Variants in BCAN observed in about 807,000 individuals in gnomAD.
BCAN encodes brevican core protein.
BCAN carries 51 observed loss-of-function variants against 92.4 expected under a neutral mutation model. That is an observed-to-expected ratio of 0.55 (90% CI 0.44 to 0.70). The LOEUF (loss-of-function observed/expected upper bound fraction) is 0.70. Among genes scored for constraint, BCAN ranks in the 30% least tolerant of loss-of-function variants. The pLI, the probability that BCAN is intolerant of heterozygous loss-of-function variation, is 0.00. For missense variants in BCAN, 1,140 were observed against 1,212.1 expected (o/e 0.94, Z 0.88); for synonymous variants, 501 against 505.2 (o/e 0.99, Z 0.11).
rs1198262769 is a variant in BCAN at position 156,653,372 on chromosome 1, C to T, written c.1942+480C>T. On this transcript the variant is annotated intron_variant, in intron 8 of 13. Transcript: ENST00000329117. ...TCCGGAGTCCAGGAGAACCCGTACC[C>T]CCACAGAGCCTTAAGCAACTACTTC... 4 of 1,023,004 alleles carry T rather than the reference C, an allele frequency of 3.9e-6. No homozygotes were observed. In the African/African-American group the frequency reaches 5.1e-5, roughly 13 times the overall value. The allele number at this position is 1,023,004 out of a possible 1,614,324, so 63.4% of individuals were successfully genotyped here.
At position 156,656,316 on chromosome 1, in the gene BCAN, G is replaced by A. The variant is rs753134043; in HGVS notation, c.1977G>A (p.Gly659=). ...DCVPSPCHNG[G]TCLEEEEGVR... ...TCCCCAGCCCCTGCCACAATGGTGG[G>A]ACATGCTTGGAGGAGGAGGAAGGGG... The change falls in exon 9 of 14, where the codon GGG becomes GGA. Residue 659 remains glycine (G), a synonymous_variant. Transcript: ENST00000329117. The A allele has an allele frequency of 1.4e-6, 2 of 1,448,614 alleles. No homozygotes were observed. Among genetic ancestry groups the A allele is most frequent in the Admixed American group, 2.9e-5 (1 of 33,902 alleles). The allele number at this position is 1,448,614 out of a possible 1,614,324, so 89.7% of individuals were successfully genotyped here. A position where few individuals can be genotyped will look rare whatever the true frequency, so the allele number is the denominator to read the frequency against.
chr1:156,646,647 A>AGGCCCCTGGCCCCTGGCCCCT, intron 2 of BCAN, 154 bp from the exon 3 acceptor site: 1 of 1,181,138 alleles, frequency 8.5e-7, no homozygotes. Flanking sequence ...GTAGGGCTGC[A>AGGCCCCTGGCCCCTGGCCCCT]GGACCCTGGC....
At chr1:156,655,223 T>G in intron 8 of BCAN, among the ~76,000 whole-genome samples, 1 of 152,236 alleles carries the variant, frequency 6.6e-6, no homozygotes, top group East Asian at 1.9e-4. Flanking sequence ...TGACAGCTCC[T>G]GTAGCACCCA....
intron 7 of BCAN, 146 bp from the exon 8 acceptor site, chr1:156,652,102 C>T (rs911146064): frequency 4.6e-6 from 5 of 1,092,476 alleles, no homozygotes; most frequent in African/African-American, 3.2e-5. Context: ...TCCAGTGTGG[C>T]GCAAGGACCA....
Position 156,646,130 on chromosome 1 carries a change from GAA to G in BCAN, c.77_78del (p.Glu26GlyfsTer112). ...TCCTGCAGCTTTAGCAGATGTTCTGGAAGGAGACAGCTCAGGTAAGCAACCCC... is the reference window on the plus strand; with the variant it reads ...TCCTGCAGCTTTAGCAGATGTTCTGGGGAGACAGCTCAGGTAAGCAACCCC... ...QAPAALADVL[E>X]GDSSEDRAFR... On this transcript the variant is annotated frameshift_variant, in exon 2 of 14. Coordinates refer to ENST00000329117, the MANE Select transcript of BCAN (RefSeq NM_021948.5). LOFTEE classifies it high-confidence loss of function. 1 of 1,613,792 alleles carries G rather than the reference GAA, an allele frequency of 6.2e-7. No homozygotes were observed. The highest frequency in any genetic ancestry group is 8.5e-7 in the Non-Finnish European group (1 of 1,179,726).
In BCAN at chr1:156,658,565, G is replaced by C; in HGVS notation, c.2460G>C (p.Glu820Asp). ...MGLVSCGPPP[E>D]LPLAQVFGRP... ...CAGTGTCCTGTGGGCCGCCACCGGA[G>C]CTGCCCCTGGCTCAAGTGTTCGGCC... Residue 820 changes from glutamate to aspartate, a missense_variant, in exon 13 of 14, where the codon GAG becomes GAC. This residue lies in a region of BCAN where 825 missense variants were observed against 871.8 expected (regional missense o/e 0.95). Transcript: ENST00000329117. This position sits in a 1 kb window ranked among gnomAD's most constrained non-coding sequence, Gnocchi z 4.4. 1 of 1,613,918 alleles carries C rather than the reference G, an allele frequency of 6.2e-7. No individual in the cohort carries two copies. Among genetic ancestry groups the C allele is most frequent in the Non-Finnish European group, 8.5e-7 (1 of 1,179,992 alleles).
At position 156,659,143 on chromosome 1, in the gene BCAN, GC is replaced by G; in HGVS notation, c.*11del. 6.4e-7 allele frequency: 1 copy of G among 1,556,160 alleles called. No homozygotes were observed. Among genetic ancestry groups the G allele is most frequent in the South Asian group, 1.2e-5 (1 of 84,564 alleles). ...CCATGCCAGGTCCCTAGGGGGCAAG[GC>G]CTTGAACACTGCCGGCCACAGCACT... On this transcript the variant is annotated 3_prime_UTR_variant, in exon 14 of 14. Coordinates refer to ENST00000329117, the MANE Select transcript of BCAN (RefSeq NM_021948.5).
At chr1:156,645,466 G>C (rs940199758) in intron 1 of BCAN, among the ~76,000 whole-genome samples, 1 of 152,156 alleles carries the variant, frequency 6.6e-6, no homozygotes, top group African/African-American at 2.4e-5. Flanking sequence ...GAGAAGCTGT[G>C]CTTACTTGCG....
Position 156,659,217 on chromosome 1 carries a change from AG to A in BCAN, c.*85del. On this transcript the variant is annotated 3_prime_UTR_variant, in exon 14 of 14. Transcript: ENST00000329117. ...TCACACCCTGCGCTCCCGCCACCAC[AG>A]GAAGTGACAACATGACGAGGGGTGG... is the stretch of plus-strand genomic sequence containing the variant. The A allele has an allele frequency of 9.4e-7, 1 of 1,059,750 alleles. No individual in the cohort carries two copies. Among genetic ancestry groups the A allele is most frequent in the Non-Finnish European group, 1.3e-6 (1 of 746,088 alleles). 65.6% of individuals were successfully genotyped at this position (1,059,750 alleles called of 1,614,324 possible). A position where few individuals can be genotyped will look rare whatever the true frequency, so the allele number is the denominator to read the frequency against.
At position 156,656,918 on chromosome 1, in the gene BCAN, C is replaced by G; in HGVS notation, c.2051-20C>G. 12 of 1,608,838 alleles carry G rather than the reference C, an allele frequency of 7.5e-6. No individual in the cohort carries two copies. The highest frequency in any genetic ancestry group is 9.4e-6 in the Non-Finnish European group (11 of 1,176,318). ...CTCTGGGTTTTGGGGCCCTAAGATG[C>G]CCGCCCTTATGTGCCGCAGGCCTCC... On this transcript the variant is annotated intron_variant, in intron 9 of 13. Transcript: ENST00000329117.
chr1:156,646,420 G>A lies in BCAN; in HGVS notation c.91+275G>A, dbSNP rs540687269. On this transcript the variant is annotated intron_variant, in intron 2 of 13. Transcript: ENST00000329117. ...GGAGGTGGGAAAGGGGTGGAACTGG[G>A]AGAAACCCTGAAGGAGGCCCTAAAG... 598 of 506,224 alleles carry A rather than the reference G, an allele frequency of 1.2e-3. 3 individuals carry two copies. The highest frequency in any genetic ancestry group is 9.8e-3 in the Middle Eastern group (19 of 1,946). The allele number at this position is 506,224 out of a possible 1,614,324, so 31.4% of individuals were successfully genotyped here. A position where few individuals can be genotyped will look rare whatever the true frequency, so the allele number is the denominator to read the frequency against.
intron 2 of BCAN, 105 bp from the exon 3 acceptor site, chr1:156,646,696 A>C: frequency 3.4e-6 from 5 of 1,472,822 alleles, no homozygotes; most frequent in Non-Finnish European, 4.5e-6. Context: ...GGGCCGGGGA[A>C]TCCTGGGGCC....
chr1:156,657,352 G>A (rs779767624), intron 10 of BCAN: 25 of 580,898 alleles, frequency 4.3e-5, no homozygotes, highest in Non-Finnish European at 7.4e-5. Context: ...CGTGCAGGGG[G>A]CCGCCTCCAA....
At position 156,658,385 on chromosome 1, in the gene BCAN, T is replaced by C; in HGVS notation, c.2437+114T>C. On this transcript the variant is annotated intron_variant, in intron 12 of 13. Coordinates refer to ENST00000329117, the MANE Select transcript of BCAN (RefSeq NM_021948.5). The surrounding 1 kb of genome is among the most constrained non-coding windows in gnomAD (Gnocchi z 4.4). ...AAAGCAACATAGAGGAGTCAGAACG[T>C]GTTCCAGACCATGGGAGAGCTAACA... The C allele has an allele frequency of 6.7e-7, 1 of 1,488,990 alleles. No individual in the cohort carries two copies. Among genetic ancestry groups the C allele is most frequent in the South Asian group, 1.3e-5 (1 of 76,704 alleles). 92.2% of individuals were successfully genotyped at this position (1,488,990 alleles called of 1,614,324 possible).
rs1469898830 is a variant in BCAN at position 156,647,909 on chromosome 1, G to A, written c.642-74G>A. 6.3e-7 allele frequency: 1 copy of A among 1,599,588 alleles called. No homozygotes were observed. The highest frequency in any genetic ancestry group is 1.3e-5 in the African/African-American group (1 of 74,542). ...GTGTCTGCACTGTGGTGGCAGTGGG[G>A]TTCAATAGAATCAATATGGGCTGGC... is the stretch of plus-strand genomic sequence containing the variant. On this transcript the variant is annotated intron_variant, in intron 4 of 13. Transcript: ENST00000329117. This position sits in a 1 kb window ranked among gnomAD's most constrained non-coding sequence, Gnocchi z 4.8.
In BCAN at chr1:156,658,895, T is replaced by G. The variant is rs976642798; in HGVS notation, c.2629-132T>G. ...GGTGGGCTGGAGGCTCTGGGGTTCC[T>G]TCAGTGCTGATGTCTGATAACATGC... On this transcript the variant is annotated intron_variant, in intron 13 of 13. Transcript: ENST00000329117. The surrounding 1 kb of genome is among the most constrained non-coding windows in gnomAD (Gnocchi z 4.4). The G allele has an allele frequency of 2.6e-5, 35 of 1,330,948 alleles. No individual in the cohort carries two copies. Among genetic ancestry groups the G allele is most frequent in the Admixed American group, 8.7e-5 (4 of 45,852 alleles). The allele number at this position is 1,330,948 out of a possible 1,614,324, so 82.4% of individuals were successfully genotyped here.
Position 156,656,291 on chromosome 1 carries a change from TC to T in BCAN, c.1956del (p.Ser653AlafsTer203). On this transcript the variant is annotated frameshift_variant, in exon 9 of 14. Coordinates refer to ENST00000329117, the MANE Select transcript of BCAN (RefSeq NM_021948.5). LOFTEE classifies it high-confidence loss of function. ...VAVVPASGDC[V>X]PSPCHNGGTC... ...TCTTTCCCCCTCTCAGGTGACTGTG[TC>T]CCCAGCCCCTGCCACAATGGTGGGA... The T allele has an allele frequency of 6.9e-7, 1 of 1,458,596 alleles. No homozygotes were observed. The highest frequency in any genetic ancestry group is 2.9e-5 in the Admixed American group (1 of 33,978). 90.4% of individuals were successfully genotyped at this position (1,458,596 alleles called of 1,614,324 possible). A position where few individuals can be genotyped will look rare whatever the true frequency, so the allele number is the denominator to read the frequency against.
chr1:156,646,154 C>A lies in BCAN; in HGVS notation c.91+9C>A, dbSNP rs1052726309. Reference sequence around the variant, plus strand: ...GGAAGGAGACAGCTCAGGTAAGCAACCCCACTTGGGGTCACCGTCTCTGTC... The same window carrying A: ...GGAAGGAGACAGCTCAGGTAAGCAAACCCACTTGGGGTCACCGTCTCTGTC... On this transcript the variant is annotated intron_variant, in intron 2 of 13. Coordinates refer to ENST00000329117, the MANE Select transcript of BCAN (RefSeq NM_021948.5). 1 of 1,612,390 alleles carries A rather than the reference C, an allele frequency of 6.2e-7. No homozygotes were observed. The highest frequency in any genetic ancestry group is 8.5e-7 in the Non-Finnish European group (1 of 1,178,634).
chr1:156,646,874 C>G lies in BCAN; in HGVS notation c.165C>G (p.Ile55Met). Residue 55 changes from isoleucine to methionine, a missense_variant, in exon 3 of 14, where the codon ATC (isoleucine) becomes ATG (methionine). Transcript: ENST00000329117. ...GCGTGCTCGGCGGCGCCCTCACCAT[C>G]CCTTGCCACGTCCACTACCTGCGGC... ...LQGVLGGALT[I>M]PCHVHYLRPP... 6.2e-7 allele frequency: 1 copy of G among 1,610,428 alleles called. No homozygotes were observed. Among genetic ancestry groups the G allele is most frequent in the East Asian group, 2.2e-5 (1 of 44,790 alleles).
Sources: gnomAD v4.1 joint callset for allele counts (sites outside exome capture counted in the v4.1 genomes callset) on GRCh38, gnomAD v4.1.1 for gene constraint, gnomAD v4.1.1 regional missense constraint, Gnocchi (gnomAD v3.1) non-coding constraint, MANE v1.5 for transcripts, NCBI Gene and HGNC (gene_info 2026-07-23, HGNC 2026-07-21) for gene names.